Variants in UTRN observed in about 807,000 individuals in gnomAD.
The protein encoded by UTRN is dystrophin-related protein 1.
In UTRN, 283 loss-of-function variants were observed where a neutral mutation model predicts 463.9. The ratio of observed to expected loss-of-function variants is 0.61; its 90% CI spans 0.55 to 0.67. The LOEUF (loss-of-function observed/expected upper bound fraction) is 0.67. Ranked by LOEUF, UTRN falls within the 30% of genes least tolerant of loss-of-function variation. The pLI is 0.00. For missense variants in UTRN, 3,922 were observed against 4,084.3 expected, an observed-to-expected ratio of 0.96 and a Z score of 1.08; for synonymous variants, 1,442 against 1,431.5, an observed-to-expected ratio of 1.01 and a Z score of -0.17.
intron 50 of UTRN, among the ~76,000 whole-genome samples, chr6:144,568,225 GCTT>G (rs759092011): frequency 6.8e-6 from 1 of 147,460 alleles, no homozygotes; most frequent in African/African-American, 2.6e-5. Flanking sequence ...ATAGTCTGTT[GCTT>G]CTTCTGTTTG....
chr6:144,461,771 C>A (rs1789438470), intron 22 of UTRN, among the ~76,000 whole-genome samples: 1 of 152,314 alleles, frequency 6.6e-6, no homozygotes, highest in Middle Eastern at 3.4e-3. Flanking sequence ...TTGGCCCACA[C>A]TGGGTTTGCT....
At chr6:144,390,809 T>A (rs1338861372) in intron 2 of UTRN, among the ~76,000 whole-genome samples, 1 of 152,178 alleles carries the variant, frequency 6.6e-6, no homozygotes, top group African/African-American at 2.4e-5. Context: ...CTGTACCTGA[T>A]ATATTAGTTA....
At chr6:144,804,225 T>C (rs763635306) in intron 65 of UTRN, among the ~76,000 whole-genome samples, 4 of 152,166 alleles carry the variant, frequency 2.6e-5, no homozygotes, top group Non-Finnish European at 5.9e-5. Context: ...AGGTATCTTA[T>C]CTCAAATAAA....
intron 53 of UTRN, among the ~76,000 whole-genome samples, chr6:144,713,704 T>C (rs1293439016): frequency 1.3e-5 from 2 of 152,078 alleles, no homozygotes; most frequent in East Asian, 3.9e-4. Flanking sequence ...GTGGATCACC[T>C]GAGGTCAGGA....
At chr6:144,372,039 G>A (rs1780036210) in intron 2 of UTRN, among the ~76,000 whole-genome samples, 1 of 152,198 alleles carries the variant, frequency 6.6e-6, no homozygotes, top group South Asian at 2.1e-4. Context: ...AGTGTTTAAA[G>A]GCCAAGTTTT....
intron 2 of UTRN, among the ~76,000 whole-genome samples, chr6:144,359,857 T>C (rs567503822): frequency 2.0e-5 from 3 of 152,260 alleles, no homozygotes; most frequent in African/African-American, 7.2e-5. Flanking sequence ...ATTGAGATCC[T>C]TTTGGATTAT....
At chr6:144,720,410 A>AG (rs1309509840) in intron 53 of UTRN, among the ~76,000 whole-genome samples, 1 of 152,234 alleles carries the variant, frequency 6.6e-6, no homozygotes, top group Non-Finnish European at 1.5e-5. Flanking sequence ...TGGTGCTCAG[A>AG]GGCACACCAG....
At chr6:144,618,522 C>G (rs1255332296) in intron 51 of UTRN, among the ~76,000 whole-genome samples, 1 of 152,108 alleles carries the variant, frequency 6.6e-6, no homozygotes, top group Non-Finnish European at 1.5e-5. Flanking sequence ...ACTTTGGTTA[C>G]AGGCTAAAAG....
chr6:144,412,279 C>G (rs1783965274), intron 3 of UTRN, among the ~76,000 whole-genome samples: 1 of 152,062 alleles, frequency 6.6e-6, no homozygotes, highest in African/African-American at 2.4e-5. Flanking sequence ...ATTGTTCAAA[C>G]TACTTTTAAT....
At chr6:144,310,602 C>T (rs930482131) in intron 2 of UTRN, among the ~76,000 whole-genome samples, 4 of 125,826 alleles carry the variant, frequency 3.2e-5, no homozygotes, top group Non-Finnish European at 4.9e-5. Flanking sequence ...CCTGGGAGGC[C>T]GAGGTGGGGA....
intron 65 of UTRN, among the ~76,000 whole-genome samples, chr6:144,803,618 A>G (rs1777892153): frequency 6.6e-6 from 1 of 151,718 alleles, no homozygotes; most frequent in African/African-American, 2.4e-5. Context: ...TTTCCCTGAT[A>G]TTTTTCACTC....
At chr6:144,787,958 G>A (rs1776426240) in intron 61 of UTRN, among the ~76,000 whole-genome samples, 4 of 152,040 alleles carry the variant, frequency 2.6e-5, no homozygotes, top group Admixed American at 1.3e-4. Context: ...TCCATAGCAA[G>A]GATAATATCT....
chr6:144,730,677 T>C (rs1003453019), intron 54 of UTRN, among the ~76,000 whole-genome samples, 191 bp downstream of exon 54: 1 of 152,080 alleles, frequency 6.6e-6, no homozygotes, highest in Non-Finnish European at 1.5e-5. Context: ...ATAAAATTTT[T>C]GTATACCTCA....
At chr6:144,346,999 C>T (rs2223427) in intron 2 of UTRN, among the ~76,000 whole-genome samples, 137,156 of 152,166 alleles carry the variant, frequency 0.9, 61,941 homozygotes, top group East Asian at 0.99. Flanking sequence ...ACCAAAGTTT[C>T]AAAACAAGCT....
At chr6:144,409,213 A>G (rs1026599819) in intron 3 of UTRN, among the ~76,000 whole-genome samples, 1 of 152,202 alleles carries the variant, frequency 6.6e-6, no homozygotes, top group Admixed American at 6.5e-5. Flanking sequence ...TTGAATTTTT[A>G]AAATTTGATT....
chr6:144,669,376 A>G (rs1286717027), intron 51 of UTRN, among the ~76,000 whole-genome samples: 2 of 152,192 alleles, frequency 1.3e-5, no homozygotes, highest in African/African-American at 4.8e-5. Flanking sequence ...GTATGTGTCA[A>G]ATTATACACA....
intron 51 of UTRN, among the ~76,000 whole-genome samples, chr6:144,650,685 C>T (rs1029234093): frequency 3.9e-5 from 6 of 152,130 alleles, no homozygotes; most frequent in African/African-American, 7.2e-5. Context: ...CCAAGGCGGG[C>T]AGATCACAAG....
intron 52 of UTRN, among the ~76,000 whole-genome samples, chr6:144,696,097 T>G (rs2128695379): frequency 6.6e-6 from 1 of 152,324 alleles, no homozygotes; most frequent in Middle Eastern, 3.4e-3. Context: ...AAGATTAACC[T>G]TTAACATCAT....
chr6:144,764,954 C>T (rs1793118282), intron 58 of UTRN, among the ~76,000 whole-genome samples: 1 of 152,016 alleles, frequency 6.6e-6, no homozygotes, highest in Admixed American at 6.5e-5. Context: ...GCATACAAGG[C>T]TCCCCAGGGC....
Sources: gnomAD v4.1 joint callset for allele counts (sites outside exome capture counted in the v4.1 genomes callset) on GRCh38, gnomAD v4.1.1 for gene constraint, MANE v1.5 for transcripts, NCBI Gene and HGNC (gene_info 2026-07-23, HGNC 2026-07-21) for gene names.